IL10RB: variants seen among roughly 807,000 people sequenced by gnomAD.
IL10RB encodes the protein interleukin 10 receptor subunit beta, also known as interleukin-10 receptor subunit beta.
Under a neutral mutation model 38.7 loss-of-function variants are expected in IL10RB, and 30 were observed. That is an observed-to-expected ratio of 0.78 (90% CI 0.58 to 1.05). The LOEUF (loss-of-function observed/expected upper bound fraction) is 1.05, where lower values mean the gene tolerates loss of function less well. IL10RB is among the 50% of genes least tolerant of loss of function. IL10RB has a pLI of 0.00. For missense variants in IL10RB, 328 were observed against 397.1 expected (o/e 0.83, Z 1.48); for synonymous variants, 142 against 145.9 (o/e 0.97, Z 0.19).
At chr21:33,266,979 T>A (rs956944337) in intron 1 of IL10RB, among the ~76,000 whole-genome samples, 1 of 151,994 alleles carries the variant, frequency 6.6e-6, no homozygotes, top group Non-Finnish European at 1.5e-5. Context: ...TCCCTACAGA[T>A]GTGCCTCCCA....
intron 1 of IL10RB, among the ~76,000 whole-genome samples, chr21:33,304,171 G>A (rs538516181): frequency 1.3e-5 from 2 of 152,338 alleles, no homozygotes; most frequent in East Asian, 1.9e-4. Context: ...CTGCCACGGC[G>A]GGGACAGCAC....
At chr21:33,309,694 C>G (rs1189319480) in exon 2 of IL10RB, 1 of 152,198 alleles carries the variant, frequency 6.6e-6, no homozygotes, top group East Asian at 1.9e-4. Flanking sequence ...ACATTGCTTT[C>G]GTGTATTGCT....
chr21:33,282,952 C>T (rs902939341), intron 4 of IL10RB, 142 bp from the exon 5 acceptor site: 7 of 717,348 alleles, frequency 9.8e-6, no homozygotes, highest in African/African-American at 8.8e-5. Context: ...GCCTCAGGGT[C>T]CCTGAACTGA....
At chr21:33,282,989 CTATTT>C in intron 4 of IL10RB, 100 bp from the exon 5 acceptor site, 2 of 938,696 alleles carry the variant, frequency 2.1e-6, no homozygotes, top group Admixed American at 3.7e-5. Context: ...CTGCTCCTTC[CTATTT>C]TAAGTCTAAA....
chr21:33,305,988 C>A (rs2082998097), intron 1 of IL10RB, among the ~76,000 whole-genome samples: 1 of 152,090 alleles, frequency 6.6e-6, no homozygotes, highest in African/African-American at 2.4e-5. Context: ...CCCAAGACCA[C>A]ACCCAGCTAA....
At chr21:33,279,097 T>G (rs1989233320) in intron 3 of IL10RB, among the ~76,000 whole-genome samples, 1 of 152,206 alleles carries the variant, frequency 6.6e-6, no homozygotes, top group African/African-American at 2.4e-5. Flanking sequence ...AGGTAGTGAC[T>G]ATGGTTCTTA....
chr21:33,289,075 G>A (rs2123594157), intron 6 of IL10RB, among the ~76,000 whole-genome samples: 1 of 152,368 alleles, frequency 6.6e-6, no homozygotes, highest in South Asian at 2.1e-4. Context: ...GGCCTCTCGA[G>A]CTGGGGTGGC....
chr21:33,268,586 G>C, intron 2 of IL10RB, 69 bp downstream of exon 2: 1 of 1,096,220 alleles, frequency 9.1e-7, no homozygotes, highest in South Asian at 1.2e-5. Flanking sequence ...ACTGGGTTGG[G>C]CCACAGGAGG....
At chr21:33,282,969 C>A in intron 4 of IL10RB, 125 bp from the exon 5 acceptor site, 1 of 788,340 alleles carries the variant, frequency 1.3e-6, no homozygotes, top group Non-Finnish European at 2.2e-6. Flanking sequence ...CTGAGAGGAG[C>A]ACCTGCTACC....
At position 33,296,911 on chromosome 21, in the gene IL10RB, G is replaced by A. The variant is rs1170700850; in HGVS notation, c.*554G>A. On this transcript the variant is annotated 3_prime_UTR_variant, in exon 7 of 7. Coordinates refer to ENST00000290200, the MANE Select transcript of IL10RB (RefSeq NM_000628.5). Reference sequence around the variant, plus strand: ...GGAGGTTGCAGTGAGCCGAGATAGCGGCACTGCACTCCAGCCTGGGTGACA... The same window carrying A: ...GGAGGTTGCAGTGAGCCGAGATAGCAGCACTGCACTCCAGCCTGGGTGACA... 2.3e-5 allele frequency: 4 copies of A among 173,858 alleles called. No homozygotes were observed. The highest frequency in any genetic ancestry group is 2.3e-4 in the South Asian group (2 of 8,582). 10.8% of individuals were successfully genotyped at this position (173,858 alleles called of 1,614,324 possible).
intron 6 of IL10RB, among the ~76,000 whole-genome samples, chr21:33,288,877 G>A (rs1367164347): frequency 6.6e-6 from 1 of 152,168 alleles, no homozygotes; most frequent in African/African-American, 2.4e-5. Flanking sequence ...TTCCAAGCCC[G>A]GACCCAAAGG....
chr21:33,268,849 T>TA (rs1416853479), intron 2 of IL10RB, among the ~76,000 whole-genome samples: 1 of 152,200 alleles, frequency 6.6e-6, no homozygotes, highest in African/African-American at 2.4e-5. Context: ...TCACAGTTGA[T>TA]ATATTTTAAA....
At position 33,283,240 on chromosome 21, in the gene IL10RB, C is replaced by T. The variant is rs148468217; in HGVS notation, c.645C>T (p.Asp215=). 318 of 1,613,582 alleles carry T rather than the reference C, an allele frequency of 2.0e-4. 2 individuals carry two copies. Among genetic ancestry groups the T allele is most frequent in the Middle Eastern group, 1.4e-3 (8 of 5,676 alleles). The change falls in exon 5 of 7, where the codon GAC becomes GAT. Residue 215 remains aspartate, a splice_region_variant and synonymous_variant. Transcript: ENST00000290200. ...SEPVCEQTTH[D]ETVPSWMVAV... is the part of the protein sequence containing the mutation. ...CTGTCTGTGAGCAAACAACCCATGA[C>T]GGTAAGCCCTGAGATGCACCTCCGC... is the stretch of plus-strand genomic sequence containing the variant.
At chr21:33,280,552 T>C (rs1261511768) in intron 4 of IL10RB, among the ~76,000 whole-genome samples, 1 of 152,230 alleles carries the variant, frequency 6.6e-6, no homozygotes, top group Non-Finnish European at 1.5e-5. Context: ...TTGCCTGGAA[T>C]GATGTATATA....
chr21:33,301,127 C>T (rs1048797201), downstream of IL10RB, among the ~76,000 whole-genome samples: 12 of 152,214 alleles, frequency 7.9e-5, no homozygotes, highest in Admixed American at 6.5e-4. Flanking sequence ...TGCTGCCTCA[C>T]TGTCCCATTT....
intron 5 of IL10RB, 136 bp from the exon 6 acceptor site, chr21:33,287,968 C>A: frequency 1.2e-6 from 1 of 852,082 alleles, no homozygotes. Context: ...GTCCTCCAAC[C>A]AGTTGCTGTT....
intron 1 of IL10RB, among the ~76,000 whole-genome samples, chr21:33,303,652 T>A (rs765936042): frequency 1.1e-4 from 17 of 152,116 alleles, no homozygotes; most frequent in Non-Finnish European, 2.4e-4. Context: ...TTACTTTCAT[T>A]TTTGCCTTAT....
At chr21:33,266,782 C>T (rs373748743) in intron 1 of IL10RB, among the ~76,000 whole-genome samples, 117 of 152,294 alleles carry the variant, frequency 7.7e-4, no homozygotes, top group African/African-American at 2.7e-3. Flanking sequence ...CTTTTGATTC[C>T]CTGTCCTCCT....
At chr21:33,271,917 T>C (rs1023146) in intron 2 of IL10RB, among the ~76,000 whole-genome samples, 150,175 of 152,028 alleles carry the variant, frequency 0.99, 74,184 homozygotes, top group East Asian at 1. Flanking sequence ...CATAGCAGCC[T>C]CTTGTCTCTA....
Sources: allele counts gnomAD v4.1 joint callset (sites outside exome capture counted in the v4.1 genomes callset), GRCh38; gene constraint gnomAD v4.1.1; transcripts MANE v1.5; gene names NCBI Gene and HGNC (gene_info 2026-07-23, HGNC 2026-07-21).